PDZRN4: variants seen among roughly 807,000 people sequenced by gnomAD.
PDZRN4 encodes PDZ domain containing ring finger 4.
A neutral mutation model predicts 99.0 loss-of-function variants in PDZRN4; 70 were observed. That is an observed-to-expected ratio of 0.71 (90% CI 0.58 to 0.86). PDZRN4 has a LOEUF of 0.86. PDZRN4 is among the 40% of genes least tolerant of loss of function. The pLI is 0.00. For synonymous variants in PDZRN4, 551 were observed against 501.6 expected (o/e 1.10, Z -1.32); for missense variants, 1,474 against 1,331.2 (o/e 1.11, Z -1.67).
chr12:41,370,382 C>T (rs892470889), intron 3 of PDZRN4, among the ~76,000 whole-genome samples: 5 of 151,866 alleles, frequency 3.3e-5, no homozygotes, highest in African/African-American at 4.8e-5. Flanking sequence ...AGTTATTTTC[C>T]CTTGGTCCTT....
At chr12:41,390,088 A>T (rs927884779) in intron 3 of PDZRN4, among the ~76,000 whole-genome samples, 15 of 152,144 alleles carry the variant, frequency 9.9e-5, no homozygotes, top group Non-Finnish European at 2.1e-4. Context: ...TAGGTGCCTG[A>T]GATTAAAACC....
intron 3 of PDZRN4, among the ~76,000 whole-genome samples, chr12:41,261,960 G>A (rs1278426432): frequency 6.6e-6 from 1 of 152,138 alleles, no homozygotes; most frequent in Non-Finnish European, 1.5e-5. Context: ...GGGCAAGAAT[G>A]GGAAGGGTAC....
In PDZRN4 at chr12:41,399,252, C is replaced by G. The variant is rs544303173; in HGVS notation, c.844-107204C>G. On this transcript the variant is annotated intron_variant, in intron 3 of 9. Transcript: ENST00000402685. ...GGTATATAAAAAAAGAAGAAAAAAT[C>G]AGTCAACAGGCATTATATGCATATA... is the stretch of plus-strand genomic sequence containing the variant. 2.0e-5 allele frequency among the ~76,000 whole-genome samples: 3 copies of G among 152,054 alleles called. No individual in the cohort carries two copies. The East Asian group carries it at 5.8e-4, about 29-fold the overall frequency.
chr12:41,573,862 A>G lies in PDZRN4; in HGVS notation c.3083A>G (p.Asn1028Ser). 1 of 1,581,562 alleles carries G rather than the reference A, an allele frequency of 6.3e-7. No homozygotes were observed. Among genetic ancestry groups the G allele is most frequent in the South Asian group, 1.2e-5 (1 of 84,738 alleles). Residue 1028 changes from asparagine to serine, a missense_variant, in exon 10 of 10, where the codon AAT (asparagine) becomes AGT (serine). Physicochemically the swap from Asn to Ser is conservative, Grantham distance 46 (BLOSUM62 1). Coordinates refer to ENST00000402685, the MANE Select transcript of PDZRN4 (RefSeq NM_001164595.2). Reference sequence around the variant, plus strand: ...TCTCCAGATGGCACGAGAGTCCATAATGCCTTCTTGTCGGTGACCACTGTA... The same window carrying G: ...TCTCCAGATGGCACGAGAGTCCATAGTGCCTTCTTGTCGGTGACCACTGTA... ...AKSPDGTRVH[N>S]AFLSVTTV is the part of the protein sequence containing the mutation.
intron 5 of PDZRN4, among the ~76,000 whole-genome samples, chr12:41,526,549 G>C (rs1394698412): frequency 1.3e-5 from 2 of 152,118 alleles, no homozygotes; most frequent in African/African-American, 2.4e-5. Flanking sequence ...GGAAAGTCCT[G>C]ACAAAATAAA....
chr12:41,255,644 G>T (rs1951200480), intron 3 of PDZRN4, among the ~76,000 whole-genome samples: 1 of 152,098 alleles, frequency 6.6e-6, no homozygotes, highest in East Asian at 1.9e-4. Context: ...TTGCTATAAA[G>T]AAATACCTCA....
chr12:41,191,109 T>A (rs1288480754), intron 1 of PDZRN4, among the ~76,000 whole-genome samples: 2 of 152,138 alleles, frequency 1.3e-5, no homozygotes, highest in Admixed American at 1.3e-4. Context: ...GAGGGAAAAA[T>A]AAAGATACCT....
chr12:41,472,054 G>A (rs531351578), intron 3 of PDZRN4, among the ~76,000 whole-genome samples: 2 of 150,384 alleles, frequency 1.3e-5, no homozygotes, highest in South Asian at 4.2e-4. Flanking sequence ...CCAGGCTGGA[G>A]TGCAGTGGCA....
intron 3 of PDZRN4, among the ~76,000 whole-genome samples, chr12:41,235,334 CA>C (rs1166525949): frequency 4.0e-5 from 6 of 151,832 alleles, no homozygotes. Context: ...AGAAAAAGGC[CA>C]AAAAATGAAA....
chr12:41,572,578 T>C lies in PDZRN4; in HGVS notation c.1799T>C (p.Leu600Pro). Reference sequence around the variant, plus strand: ...CAAGACACTCTGGGAAGTGTTGAACTTCAGTACAATGAGAGCCTCGTATCT... The same window carrying C: ...CAAGACACTCTGGGAAGTGTTGAACCTCAGTACAATGAGAGCCTCGTATCT... ...QSQDTLGSVELQYNESLVSGE... is the reference protein window; with the variant it reads ...QSQDTLGSVEPQYNESLVSGE... Residue 600 changes from leucine to proline, a missense_variant, in exon 10 of 10, where the codon CTT becomes CCT. Leu to Pro is a moderately conservative substitution (Grantham distance 98, BLOSUM62 -3). Transcript: ENST00000402685. The C allele has an allele frequency of 6.2e-7, 1 of 1,614,134 alleles. No individual in the cohort carries two copies. Among genetic ancestry groups the C allele is most frequent in the Non-Finnish European group, 8.5e-7 (1 of 1,180,008 alleles).
At chr12:41,531,257 T>C (rs993373597) in intron 5 of PDZRN4, among the ~76,000 whole-genome samples, 1 of 152,090 alleles carries the variant, frequency 6.6e-6, no homozygotes, top group Non-Finnish European at 1.5e-5. Flanking sequence ...GGAGATGATT[T>C]TCCCTCGGAG....
chr12:41,463,890 G>A (rs936979479), intron 3 of PDZRN4, among the ~76,000 whole-genome samples: 1 of 152,166 alleles, frequency 6.6e-6, no homozygotes, highest in African/African-American at 2.4e-5. Flanking sequence ...AATGAGATAT[G>A]GATTAGCCAT....
At chr12:41,322,431 T>C (rs1256908580) in intron 3 of PDZRN4, among the ~76,000 whole-genome samples, 7 of 151,704 alleles carry the variant, frequency 4.6e-5, no homozygotes. Context: ...TTTTATACAA[T>C]GAGTGTATTA....
At chr12:41,209,622 T>C (rs1950875082) in intron 3 of PDZRN4, among the ~76,000 whole-genome samples, 1 of 151,070 alleles carries the variant, frequency 6.6e-6, no homozygotes. Flanking sequence ...TTGCGATAGT[T>C]TGCTGAGAAT....
chr12:41,259,260 A>G (rs1209748091), intron 3 of PDZRN4, among the ~76,000 whole-genome samples: 1 of 152,130 alleles, frequency 6.6e-6, no homozygotes, highest in African/African-American at 2.4e-5. Flanking sequence ...ACAGAGTGGA[A>G]AGGGAAAGAC....
At chr12:41,469,170 A>G (rs959428006) in intron 3 of PDZRN4, among the ~76,000 whole-genome samples, 2 of 152,218 alleles carry the variant, frequency 1.3e-5, no homozygotes, top group Non-Finnish European at 2.9e-5. Context: ...TGTTTAGAAC[A>G]CTGACTTTTT....
In PDZRN4 at chr12:41,405,280, G is replaced by A. The variant is rs77506607; in HGVS notation, c.844-101176G>A. 3.9e-3 allele frequency among the ~76,000 whole-genome samples: 589 copies of A among 152,024 alleles called. 2 individuals carry two copies. Among genetic ancestry groups the A allele is most frequent in the African/African-American group, 0.014 (569 of 41,456 alleles). On this transcript the variant is annotated intron_variant, in intron 3 of 9. Transcript: ENST00000402685. ...AAAAAAACAACCATATTAAAAAATG[G>A]GCAAAGGACATGAACAGACACTTCT... is the stretch of plus-strand genomic sequence containing the variant.
chr12:41,424,127 A>G (rs1298257641), intron 3 of PDZRN4, among the ~76,000 whole-genome samples: 1 of 152,186 alleles, frequency 6.6e-6, no homozygotes, highest in Non-Finnish European at 1.5e-5. Flanking sequence ...TGCTTTGTGA[A>G]AAAATATTTA....
chr12:41,466,512 CG>C (rs1334035686), intron 3 of PDZRN4, among the ~76,000 whole-genome samples: 6 of 152,158 alleles, frequency 3.9e-5, no homozygotes, highest in African/African-American at 1.4e-4. Flanking sequence ...CTGCCTCTGT[CG>C]GAGACGTTAG....
Sources: gnomAD v4.1 joint callset for allele counts (sites outside exome capture counted in the v4.1 genomes callset) on GRCh38, gnomAD v4.1.1 for gene constraint, MANE v1.5 for transcripts, NCBI Gene and HGNC (gene_info 2026-07-23, HGNC 2026-07-21) for gene names.